Variants in CHSY3 observed in about 807,000 individuals in gnomAD.
CHSY3 encodes the protein chondroitin sulfate synthase 3.
A neutral mutation model predicts 67.2 loss-of-function variants in CHSY3; 35 were observed. The observed-to-expected ratio is 0.52, with a 90% CI of 0.40 to 0.69. CHSY3 has a LOEUF of 0.69. Ranked by LOEUF, CHSY3 falls within the 30% of genes least tolerant of loss-of-function variation. The pLI, the probability that CHSY3 is intolerant of heterozygous loss-of-function variation, is 0.00. For synonymous variants in CHSY3, 474 were observed against 434.7 expected (o/e 1.09, Z -1.12); for missense variants, 1,069 against 1,138.5 (o/e 0.94, Z 0.88).
chr5:130,012,216 CA>C (rs886948995), intron 2 of CHSY3, among the ~76,000 whole-genome samples: 1 of 152,134 alleles, frequency 6.6e-6, no homozygotes, highest in Non-Finnish European at 1.5e-5. Context: ...CTGCCGTAAG[CA>C]AAACAGCGTG....
At chr5:129,990,746 G>A (rs1319004463) in intron 2 of CHSY3, among the ~76,000 whole-genome samples, 4 of 152,024 alleles carry the variant, frequency 2.6e-5, no homozygotes, top group African/African-American at 9.7e-5. Context: ...GCAATAATTT[G>A]TTGAATACCT....
chr5:130,104,728 T>C (rs972807995), intron 2 of CHSY3, among the ~76,000 whole-genome samples: 2 of 151,614 alleles, frequency 1.3e-5, no homozygotes, highest in Non-Finnish European at 3.0e-5. Context: ...TTTTTGTTAA[T>C]GAATATGAAT....
chr5:130,075,256 T>G (rs1766213065), intron 2 of CHSY3, among the ~76,000 whole-genome samples: 2 of 152,138 alleles, frequency 1.3e-5, no homozygotes, highest in African/African-American at 4.8e-5. Context: ...GGCTTAAAAT[T>G]TAAGAAAAAG....
intron 2 of CHSY3, among the ~76,000 whole-genome samples, chr5:130,156,890 C>T (rs1174606335): frequency 1.3e-5 from 2 of 152,206 alleles, no homozygotes; most frequent in African/African-American, 2.4e-5. Flanking sequence ...TGTGTGAAGA[C>T]TCTCTTAGAA....
At chr5:130,067,066 A>C (rs1302252462) in intron 2 of CHSY3, among the ~76,000 whole-genome samples, 1 of 152,172 alleles carries the variant, frequency 6.6e-6, no homozygotes, top group African/African-American at 2.4e-5. Flanking sequence ...TTTATATAAC[A>C]CAGTTTTACT....
chr5:129,968,721 A>G (rs1762537679), intron 2 of CHSY3, among the ~76,000 whole-genome samples: 2 of 151,846 alleles, frequency 1.3e-5, no homozygotes, highest in African/African-American at 4.8e-5. Context: ...TGGTAAGCAT[A>G]CTGTTACAAG....
At chr5:130,161,951 A>G (rs1198697952) in intron 2 of CHSY3, among the ~76,000 whole-genome samples, 2 of 151,298 alleles carry the variant, frequency 1.3e-5, no homozygotes, top group Non-Finnish European at 2.9e-5. Context: ...GAGGTGGGAG[A>G]ATCACCTGAG....
At chr5:130,008,136 G>A (rs1339150498) in intron 2 of CHSY3, among the ~76,000 whole-genome samples, 2 of 152,132 alleles carry the variant, frequency 1.3e-5, no homozygotes, top group African/African-American at 2.4e-5. Flanking sequence ...TGTATGTGTG[G>A]ACCCTGCTGC....
intron 2 of CHSY3, among the ~76,000 whole-genome samples, chr5:130,016,793 C>T (rs542470338): frequency 1.8e-4 from 27 of 152,230 alleles, no homozygotes; most frequent in Admixed American, 1.4e-3. Flanking sequence ...ATTAGGCATG[C>T]GACTATGCTA....
intron 2 of CHSY3, among the ~76,000 whole-genome samples, chr5:130,075,650 A>G (rs1178322174): frequency 6.6e-6 from 1 of 152,148 alleles, no homozygotes; most frequent in African/African-American, 2.4e-5. Flanking sequence ...TCAATTTCAT[A>G]TGTATAATAA....
chr5:129,933,889 C>T (rs917421015), intron 2 of CHSY3, among the ~76,000 whole-genome samples: 4 of 152,024 alleles, frequency 2.6e-5, no homozygotes, highest in Non-Finnish European at 5.9e-5. Context: ...AATTTTGAAA[C>T]TCTTGAACAC....
At chr5:130,029,838 C>G (rs1764656288) in intron 2 of CHSY3, among the ~76,000 whole-genome samples, 1 of 152,094 alleles carries the variant, frequency 6.6e-6, no homozygotes, top group South Asian at 2.1e-4. Context: ...CAACCCCCAT[C>G]CCCACTCCAT....
At chr5:130,158,434 T>G (rs1561563114) in intron 2 of CHSY3, among the ~76,000 whole-genome samples, 1 of 152,202 alleles carries the variant, frequency 6.6e-6, no homozygotes, top group South Asian at 2.1e-4. Context: ...CATCTAGCTA[T>G]ACCCTACGTT....
intron 2 of CHSY3, among the ~76,000 whole-genome samples, chr5:130,062,906 G>A (rs1046214351): frequency 6.6e-6 from 1 of 151,650 alleles, no homozygotes; most frequent in East Asian, 1.9e-4. Context: ...TTTACACATG[G>A]GATTCAGTGC....
chr5:129,927,326 A>G (rs1241653363), intron 2 of CHSY3, among the ~76,000 whole-genome samples: 1 of 151,976 alleles, frequency 6.6e-6, no homozygotes, highest in African/African-American at 2.4e-5. Flanking sequence ...ATGAATTTCA[A>G]TTACATTTTT....
intron 2 of CHSY3, among the ~76,000 whole-genome samples, chr5:130,091,981 A>G (rs1040643791): frequency 2.0e-5 from 3 of 152,038 alleles, no homozygotes; most frequent in East Asian, 1.9e-4. Flanking sequence ...GAGAGAGACA[A>G]TCCCTCTCAC....
chr5:130,154,752 T>G (rs565697836), intron 2 of CHSY3, among the ~76,000 whole-genome samples: 2 of 152,354 alleles, frequency 1.3e-5, no homozygotes, highest in African/African-American at 4.8e-5. Context: ...TATTCAATAT[T>G]ATATTGTAAG....
At chr5:130,029,623 A>G (rs909437298) in intron 2 of CHSY3, among the ~76,000 whole-genome samples, 24 of 152,156 alleles carry the variant, frequency 1.6e-4, no homozygotes, top group African/African-American at 5.5e-4. Flanking sequence ...TATTATACAC[A>G]CATTTGAGCA....
intron 2 of CHSY3, among the ~76,000 whole-genome samples, chr5:130,144,979 T>C (rs141540133): frequency 5.0e-4 from 76 of 152,234 alleles, no homozygotes; most frequent in African/African-American, 1.6e-3. Flanking sequence ...GAACCAGCAC[T>C]TCACATGGCT....
Sources: allele counts gnomAD v4.1 joint callset (sites outside exome capture counted in the v4.1 genomes callset), GRCh38; gene constraint gnomAD v4.1.1; transcripts MANE v1.5; gene names NCBI Gene and HGNC (gene_info 2026-07-23, HGNC 2026-07-21).